NINJ2: variants seen among roughly 807,000 people sequenced by gnomAD.
NINJ2 encodes ninjurin 2, also known as ninjurin-2.
A neutral mutation model predicts 11.7 loss-of-function variants in NINJ2; 12 were observed. The observed-to-expected ratio is 1.02, with a 90% CI of 0.66 to 1.66. The LOEUF (loss-of-function observed/expected upper bound fraction) is 1.66, where lower values mean the gene tolerates loss of function less well. Ranked by LOEUF, NINJ2 falls within the 40% of genes most tolerant of loss-of-function variation. The probability of loss-of-function intolerance (pLI) is 0.00; values close to 1 mark genes in which losing one functional copy is unlikely to be tolerated. For synonymous variants in NINJ2, 93 were observed against 76.8 expected (o/e 1.21, Z -1.10); for missense variants, 187 against 181.8 (o/e 1.03, Z -0.16).
rs567549167 is a variant in NINJ2 at position 640,964 on chromosome 12, G to T, written c.33+22364C>A. On this transcript the variant is annotated intron_variant, in intron 1 of 3. Coordinates refer to ENST00000305108, the MANE Select transcript of NINJ2 (RefSeq NM_016533.6). The surrounding 1 kb of genome is among the most constrained non-coding windows in gnomAD (Gnocchi z 4.0). ...ATGGAAGGAAGGCTGCAACTTAAGA[G>T]ACTGCGGTTAGAAGTGATCTTCATA... 3 of 152,380 alleles carry T rather than the reference G, an allele frequency of 2.0e-5. No homozygotes were observed. The South Asian group carries it at 6.2e-4, about 32-fold the overall frequency. 9.4% of individuals were successfully genotyped at this position (152,380 alleles called of 1,614,324 possible). A position where few individuals can be genotyped will look rare whatever the true frequency, so the allele number is the denominator to read the frequency against.
At chr12:598,861 G>A (rs7307464) in intron 1 of NINJ2, among the ~76,000 whole-genome samples, 57,439 of 151,164 alleles carry the variant, frequency 0.38, 12,227 homozygotes, top group Non-Finnish European at 0.5. Flanking sequence ...CACCACACCC[G>A]GCTAGTTTTC....
intron 1 of NINJ2, among the ~76,000 whole-genome samples, chr12:613,688 G>A (rs929846480): frequency 2.4e-4 from 37 of 152,074 alleles, no homozygotes; most frequent in African/African-American, 8.5e-4. Context: ...GGCAGATCAC[G>A]AGGTCAGGAG....
chr12:630,987 T>C (rs1948274218), intron 1 of NINJ2: 1 of 151,962 alleles, frequency 6.6e-6, no homozygotes, highest in African/African-American at 2.4e-5. Context: ...TTAGAGGAGG[T>C]AGGAGTCAAG....
chr12:606,170 C>A (rs2120923690), intron 1 of NINJ2, among the ~76,000 whole-genome samples: 1 of 152,026 alleles, frequency 6.6e-6, no homozygotes, highest in Non-Finnish European at 1.5e-5. Flanking sequence ...CCTTGCCCAG[C>A]CAATATTCTA....
intron 1 of NINJ2, chr12:645,839 C>T (rs139254315): frequency 1.2e-4 from 18 of 152,298 alleles, no homozygotes; most frequent in Admixed American, 2.6e-4. Flanking sequence ...TTTATAGCTT[C>T]TGGATTTTCC....
intron 1 of NINJ2, among the ~76,000 whole-genome samples, chr12:624,874 CGAG>C (rs902059579): frequency 2.7e-5 from 4 of 150,698 alleles, no homozygotes; most frequent in African/African-American, 7.3e-5. Context: ...TTTGGGAGGC[CGAG>C]GTGGGTGGAT....
chr12:659,779 G>A (rs1251613275), intron 1 of NINJ2, among the ~76,000 whole-genome samples: 2 of 152,244 alleles, frequency 1.3e-5, no homozygotes, highest in Non-Finnish European at 2.9e-5. Context: ...AACTTCAGTT[G>A]TGCCATGTTC....
At chr12:642,512 G>A (rs1335485650) in intron 1 of NINJ2, among the ~76,000 whole-genome samples, 1 of 152,252 alleles carries the variant, frequency 6.6e-6, no homozygotes, top group Non-Finnish European at 1.5e-5. Context: ...ACCGGCGTGA[G>A]CCACCGCGCC....
chr12:577,430 C>CATATATATGTATATATATATATGTAT, intron 1 of NINJ2, among the ~76,000 whole-genome samples: 1 of 94,004 alleles, frequency 1.1e-5, no homozygotes, highest in East Asian at 2.4e-4. Flanking sequence ...TATATATATA[C>CATATATATGTATATATATATATGTAT]ATATATATAT....
At chr12:601,181 G>A (rs1947861399) in intron 1 of NINJ2, among the ~76,000 whole-genome samples, 1 of 152,228 alleles carries the variant, frequency 6.6e-6, no homozygotes, top group Non-Finnish European at 1.5e-5. Context: ...TAGAATGCAT[G>A]TAACTAGGTA....
chr12:588,957 A>G (rs1947681608), intron 1 of NINJ2, among the ~76,000 whole-genome samples: 1 of 151,398 alleles, frequency 6.6e-6, no homozygotes. Context: ...TGTTACAATC[A>G]TTTTTTTTTG....
At chr12:645,379 T>A (rs934405876) in intron 1 of NINJ2, 1 of 152,190 alleles carries the variant, frequency 6.6e-6, no homozygotes. Context: ...TAGGACTTCT[T>A]ATGGAGTGGG....
rs760703170 is a variant in NINJ2, at chr12:614,173, G to T, written c.34-47995C>A. 6.6e-6 allele frequency among the ~76,000 whole-genome samples: 1 copy of T among 152,192 alleles called. No homozygotes were observed. The highest frequency in any genetic ancestry group is 2.4e-5 in the African/African-American group (1 of 41,450). On this transcript the variant is annotated intron_variant, in intron 1 of 3. Coordinates refer to ENST00000305108, the MANE Select transcript of NINJ2 (RefSeq NM_016533.6). The surrounding 1 kb of genome is among the most constrained non-coding windows in gnomAD (Gnocchi z 5.1). Reference sequence around the variant, plus strand: ...CCTCCTAAAGAAGACCATCCTTAGCGATGGTTGCTGCCTTGACTTTCCAGC... The same window carrying T: ...CCTCCTAAAGAAGACCATCCTTAGCTATGGTTGCTGCCTTGACTTTCCAGC...
intron 1 of NINJ2, among the ~76,000 whole-genome samples, chr12:637,954 A>AG (rs1948372935): frequency 6.6e-6 from 1 of 152,246 alleles, no homozygotes; most frequent in Non-Finnish European, 1.5e-5. Flanking sequence ...CCTCAAAAAA[A>AG]GGGAGTTCTC....
chr12:582,842 C>A (rs1162966921), intron 1 of NINJ2, among the ~76,000 whole-genome samples: 2 of 61,018 alleles, frequency 3.3e-5, no homozygotes, highest in African/African-American at 1.7e-4. Flanking sequence ...TGAATGGGCG[C>A]AGGCAGGCAG....
At position 577,430 on chromosome 12, in the gene NINJ2, C is replaced by CAT. The variant is rs1555161808; in HGVS notation, c.34-11254_34-11253dup. ...AACACTAGTCTCATATATATATATACATATATATATATAAATATTTTGGCA... is the reference window on the plus strand; with the variant it reads ...AACACTAGTCTCATATATATATATACATATATATATATATAAATATTTTGGCA... On this transcript the variant is annotated intron_variant, in intron 1 of 3. Coordinates refer to ENST00000305108, the MANE Select transcript of NINJ2 (RefSeq NM_016533.6). Among the ~76,000 whole-genome samples, 8 of 93,998 alleles carry CAT rather than the reference C, an allele frequency of 8.5e-5. 1 individual carries two copies. The South Asian group carries it at 1.4e-3, about 17-fold the overall frequency. The allele number at this position is 93,998 out of a possible 152,430, so 61.7% of individuals were successfully genotyped here. A position where few individuals can be genotyped will look rare whatever the true frequency, so the allele number is the denominator to read the frequency against.
chr12:569,410 G>T (rs1947347308), intron 1 of NINJ2, among the ~76,000 whole-genome samples: 1 of 152,314 alleles, frequency 6.6e-6, no homozygotes, highest in Non-Finnish European at 1.5e-5. Flanking sequence ...AAGTGTCTCT[G>T]CCCAGGTTCA....
At chr12:599,094 A>C (rs779871192) in intron 1 of NINJ2, among the ~76,000 whole-genome samples, 1 of 151,702 alleles carries the variant, frequency 6.6e-6, no homozygotes, top group East Asian at 1.9e-4. Flanking sequence ...TTTGGAAAGT[A>C]TTCCAGGCCG....
rs367925655 is a variant in NINJ2 at position 566,004 on chromosome 12, T to C, written c.208A>G (p.Ile70Val). 6 of 1,614,016 alleles carry C rather than the reference T, an allele frequency of 3.7e-6. No homozygotes were observed. The African/African-American group carries it at 4.0e-5, about 11-fold the overall frequency. The change falls in exon 2 of 4, where the codon ATC becomes GTC. Residue 70 changes from isoleucine to valine, a missense_variant. Coordinates refer to ENST00000305108, the MANE Select transcript of NINJ2 (RefSeq NM_016533.6). ...SHYYTTLVTL[I>V]SLSLLLQVVI... ...ACCTGCAGGAGCAGAGAGAGGCTGA[T>C]GAGGGTGACCAGGGTGGTGTAGTAG...
Sources: gnomAD v4.1 joint callset for allele counts (sites outside exome capture counted in the v4.1 genomes callset) on GRCh38, gnomAD v4.1.1 for gene constraint, Gnocchi (gnomAD v3.1) non-coding constraint, MANE v1.5 for transcripts, NCBI Gene and HGNC (gene_info 2026-07-23, HGNC 2026-07-21) for gene names.